The following EFCAB8 variants were observed in gnomAD, a reference collection of about 807,000 sequenced individuals.
EFCAB8 encodes the protein EF-hand calcium-binding domain-containing protein 8.
A neutral mutation model predicts 116.3 loss-of-function variants in EFCAB8; 100 were observed. The ratio of observed to expected loss-of-function variants is 0.86; its 90% CI spans 0.73 to 1.02. EFCAB8 has a LOEUF of 1.02. Ranked by LOEUF, EFCAB8 falls within the 50% of genes least tolerant of loss-of-function variation. The probability of loss-of-function intolerance (pLI) is 0.00; values close to 1 mark genes in which losing one functional copy is unlikely to be tolerated. For synonymous variants in EFCAB8, 558 were observed against 567.9 expected (o/e 0.98, Z 0.25); for missense variants, 1,320 against 1,416.9 (o/e 0.93, Z 1.10).
At chr20:32,960,018 G>A (rs780080702) in intron 25 of EFCAB8, 36 bp downstream of exon 25, 2 of 1,551,510 alleles carry the variant, frequency 1.3e-6, no homozygotes, top group South Asian at 1.2e-5. Flanking sequence ...AGGAGTGCAG[G>A]GACCCCCAAC....
intron 9 of EFCAB8, among the ~76,000 whole-genome samples, chr20:32,894,889 T>G: frequency 6.6e-6 from 1 of 152,362 alleles, no homozygotes; most frequent in Middle Eastern, 3.4e-3. Flanking sequence ...TGCCTGTGCC[T>G]GTGCACAACC....
chr20:32,880,726 A>T (rs536402784), intron 5 of EFCAB8, among the ~76,000 whole-genome samples: 6 of 139,450 alleles, frequency 4.3e-5, no homozygotes, highest in Non-Finnish European at 3.2e-5. Flanking sequence ...AGGGCGAGGT[A>T]TGGGGAGAGG....
Position 32,878,796 on chromosome 20 carries a change from G to T in EFCAB8, c.420G>T (p.Thr140=), listed in dbSNP as rs376929580. The change falls in exon 5 of 27, where the codon ACG becomes ACT. Residue 140 remains threonine (T), a synonymous_variant. Transcript: ENST00000400522. ...GCCTGCACTTCTACCTTCCCATGAC[G>T]GTCGTCCCCCTGTAAGGAGCCTCTT... ...QYRLHFYLPM[T]VVPLNHGCEV... is the part of the protein sequence containing the mutation. The T allele has an allele frequency of 1.4e-4, 215 of 1,552,106 alleles. No homozygotes were observed. In the African/African-American group the frequency reaches 2.4e-3, roughly 17 times the overall value.
Position 32,918,366 on chromosome 20 carries a change from A to C in EFCAB8, c.2066A>C (p.Gln689Pro). The C allele has an allele frequency of 6.4e-7, 1 of 1,551,752 alleles. No homozygotes were observed. The highest frequency in any genetic ancestry group is 8.7e-7 in the Non-Finnish European group (1 of 1,146,998). ...GCTGCTTTCTTCTTGGTACAGGTGC[A>C]AGATGTGAACAACTGCCTGGCTGAG... ...SPSPLQPKRVQDVNNCLAESH... is the reference protein window; with the variant it reads ...SPSPLQPKRVPDVNNCLAESH... Residue 689 changes from glutamine (Q) to proline (P), a missense_variant, in exon 19 of 27, where the codon CAA (glutamine) becomes CCA (proline). By Grantham distance (76) the Gln-to-Pro change is moderately conservative. Coordinates refer to ENST00000400522, the MANE Select transcript of EFCAB8 (RefSeq NM_001143967.2).
At chr20:32,898,666 G>GA in intron 11 of EFCAB8, 43 bp downstream of exon 11, 1 of 711,734 alleles carries the variant, frequency 1.4e-6, no homozygotes, top group Middle Eastern at 2.3e-4. Context: ...GGGGCTGGAA[G>GA]GGAGGGGGGT....
chr20:32,928,173 G>A (rs565016441), intron 20 of EFCAB8, among the ~76,000 whole-genome samples: 2 of 151,990 alleles, frequency 1.3e-5, no homozygotes, highest in South Asian at 4.2e-4. Flanking sequence ...ATTGTCAATG[G>A]AATTATTTTT....
chr20:32,888,827 T>A (rs1985763951), intron 6 of EFCAB8, among the ~76,000 whole-genome samples: 1 of 152,208 alleles, frequency 6.6e-6, no homozygotes, highest in Non-Finnish European at 1.5e-5. Flanking sequence ...TCCAGGTGGC[T>A]TCTGGCCTGT....
At chr20:32,931,076 C>G in intron 21 of EFCAB8, 102 bp from the exon 22 acceptor site, 2 of 1,028,702 alleles carry the variant, frequency 1.9e-6, no homozygotes, top group South Asian at 1.7e-5. Context: ...AACTGCCCCC[C>G]ACCCCCACCA....
At chr20:32,939,131 CTTTCTTTCTTTCTTTCTTTCTT>C (rs1988261010) in intron 22 of EFCAB8, among the ~76,000 whole-genome samples, 3 of 19,246 alleles carry the variant, frequency 1.6e-4, no homozygotes, top group Admixed American at 1.1e-3. Context: ...CTTTCTCTTT[CTTTCTTTCTTTCTTTCTTTCTT>C]TCTTTCTTTC....
chr20:32,884,255 G>T (rs777631699), intron 5 of EFCAB8, among the ~76,000 whole-genome samples: 3 of 152,156 alleles, frequency 2.0e-5, no homozygotes, highest in African/African-American at 7.2e-5. Flanking sequence ...AGCCTGGGCC[G>T]GGTGCACCAA....
rs1448309446 is a variant in EFCAB8, at chr20:32,889,391, A to C, written c.658A>C (p.Thr220Pro). 12 of 1,551,846 alleles carry C rather than the reference A, an allele frequency of 7.7e-6. No individual in the cohort carries two copies. The highest frequency in any genetic ancestry group is 1.0e-5 in the Non-Finnish European group (12 of 1,147,018). Residue 220 changes from threonine to proline, a missense_variant, in exon 7 of 27, where the codon ACC (threonine) becomes CCC (proline). By Grantham distance (38) the Thr-to-Pro change is conservative. Transcript: ENST00000400522. ...HNMNLVAVAS[T>P]RQKIDFFDIS... is the part of the protein sequence containing the mutation. ...TATGAACCTCGTTGCAGTTGCGTCT[A>C]CCAGGCAAAAGATAGGTGAGTCCCT...
chr20:32,873,869 A>G (rs898742321), intron 3 of EFCAB8, among the ~76,000 whole-genome samples: 3 of 150,184 alleles, frequency 2.0e-5, no homozygotes, highest in African/African-American at 4.9e-5. Context: ...ATTAATGTCT[A>G]TTTGTTGCCA....
At chr20:32,865,667 C>T (rs1984357003) in intron 2 of EFCAB8, among the ~76,000 whole-genome samples, 2 of 151,914 alleles carry the variant, frequency 1.3e-5, no homozygotes, top group Admixed American at 1.3e-4. Context: ...GGCGTGGTGA[C>T]TCATGCCTGT....
intron 22 of EFCAB8, among the ~76,000 whole-genome samples, chr20:32,939,191 CTTTCTT>C (rs1988290640): frequency 1.7e-5 from 1 of 57,964 alleles, no homozygotes; most frequent in African/African-American, 8.0e-5. Flanking sequence ...TTCTTTCTTT[CTTTCTT>C]TCTTTCCTCT....
At chr20:32,955,657 T>C (rs1289270712) in intron 23 of EFCAB8, among the ~76,000 whole-genome samples, 2 of 152,208 alleles carry the variant, frequency 1.3e-5, no homozygotes, top group Non-Finnish European at 2.9e-5. Context: ...CAAGAAGGGC[T>C]TGAGAAGGGG....
At chr20:32,874,834 C>T (rs1207777816) in intron 3 of EFCAB8, among the ~76,000 whole-genome samples, 1 of 151,960 alleles carries the variant, frequency 6.6e-6, no homozygotes, top group Non-Finnish European at 1.5e-5. Context: ...GCAACCTCTG[C>T]CTCCTGGATT....
intron 20 of EFCAB8, among the ~76,000 whole-genome samples, chr20:32,920,609 C>T (rs532768732): frequency 4.6e-5 from 7 of 152,224 alleles, no homozygotes; most frequent in South Asian, 2.1e-4. Flanking sequence ...CATCAGATCT[C>T]GCTGAGACTT....
chr20:32,875,877 C>G, intron 3 of EFCAB8, 49 bp from the exon 4 acceptor site: 1 of 1,511,624 alleles, frequency 6.6e-7, no homozygotes, highest in Non-Finnish European at 9.0e-7. Context: ...AGTGATGGGC[C>G]GAGGGACTTG....
rs775944542 is a variant in EFCAB8, at chr20:32,918,551, C to T, written c.2251C>T (p.Pro751Ser). 6.4e-7 allele frequency: 1 copy of T among 1,551,594 alleles called. No individual in the cohort carries two copies. Among genetic ancestry groups the T allele is most frequent in the Non-Finnish European group, 8.7e-7 (1 of 1,146,958 alleles). ...GATGCGGTGCCCGAGAGACAAGGAG[C>T]CAGACAGGCCTGTGCCCCAGCAGGT... ...PVMRCPRDKEPDRPVPQQKPS... is the reference protein window; with the variant it reads ...PVMRCPRDKESDRPVPQQKPS... The change falls in exon 19 of 27, where the codon CCA (proline) becomes TCA (serine). Residue 751 changes from proline (P) to serine (S), a missense_variant. By Grantham distance (74) the Pro-to-Ser change is moderately conservative. Coordinates refer to ENST00000400522, the MANE Select transcript of EFCAB8 (RefSeq NM_001143967.2).
Sources: gnomAD v4.1 joint callset for allele counts (sites outside exome capture counted in the v4.1 genomes callset) on GRCh38, gnomAD v4.1.1 for gene constraint, MANE v1.5 for transcripts, NCBI Gene and HGNC (gene_info 2026-07-23, HGNC 2026-07-21) for gene names.